Variants in LOXHD1 observed in about 807,000 individuals in gnomAD.
LOXHD1 encodes the protein lipoxygenase homology domain-containing protein 1.
In LOXHD1, 205 loss-of-function variants were observed where a neutral mutation model predicts 248.2. That is an observed-to-expected ratio of 0.83 (90% confidence interval 0.74 to 0.93). LOXHD1 has a LOEUF of 0.93. Among genes scored for constraint, LOXHD1 ranks in the 40% least tolerant of loss-of-function variants. LOXHD1 has a pLI of 0.00. For missense variants in LOXHD1, 2,930 were observed against 2,971.6 expected, an observed-to-expected ratio of 0.99 and a Z score of 0.33; for synonymous variants, 1,113 against 1,162.8, an observed-to-expected ratio of 0.96 and a Z score of 0.87.
chr18:46,582,017 C>T (rs184907642), intron 12 of LOXHD1, among the ~76,000 whole-genome samples: 188 of 152,276 alleles, frequency 1.2e-3, no homozygotes, highest in African/African-American at 4.2e-3. Flanking sequence ...TAATCACTAG[C>T]ATATCTGTCA....
At chr18:46,482,697 C>T (rs1006630270) in intron 40 of LOXHD1, among the ~76,000 whole-genome samples, 13 of 152,188 alleles carry the variant, frequency 8.5e-5, no homozygotes, top group Admixed American at 5.9e-4. Context: ...AGCCCATAGC[C>T]GAGGGCTCTG....
chr18:46,647,410 G>A (rs1221115784), intron 2 of LOXHD1, among the ~76,000 whole-genome samples: 1 of 152,246 alleles, frequency 6.6e-6, no homozygotes, highest in African/African-American at 2.4e-5. Context: ...TGTGTGAAAG[G>A]AGGGAAGGCA....
At position 46,610,806 on chromosome 18, in the gene LOXHD1, CTTA is replaced by C. The variant is rs1421250755; in HGVS notation, c.726_728del (p.Asn242del). 1.9e-6 allele frequency: 3 copies of C among 1,551,684 alleles called. No homozygotes were observed. In the Admixed American group the frequency reaches 5.9e-5, roughly 30 times the overall value. On this transcript the variant is annotated inframe_deletion, in exon 6 of 41. Coordinates refer to ENST00000642948, the MANE Select transcript of LOXHD1 (RefSeq NM_001384474.1). ...ACAGGAACCAACCTGCAGAGCCCCC[CTTA>C]TTGTTGTGGCCAACATTGATCTTCA...
chr18:46,548,288 A>G (rs935536684), intron 21 of LOXHD1, among the ~76,000 whole-genome samples: 1 of 147,800 alleles, frequency 6.8e-6, no homozygotes, highest in African/African-American at 2.5e-5. Context: ...AGGGCCACTC[A>G]GGGACTGCTC....
At chr18:46,525,429 G>C (rs995479317) in intron 29 of LOXHD1, among the ~76,000 whole-genome samples, 1 of 152,150 alleles carries the variant, frequency 6.6e-6, no homozygotes, top group African/African-American at 2.4e-5. Flanking sequence ...AGTAAGTCTG[G>C]GCTGCAGGAG....
At chr18:46,528,060 GCTAA>G (rs1260688763) in intron 29 of LOXHD1, among the ~76,000 whole-genome samples, 1 of 152,150 alleles carries the variant, frequency 6.6e-6, no homozygotes, top group Admixed American at 6.5e-5. Flanking sequence ...TAATCCCAGG[GCTAA>G]TATCCTCCTC....
At chr18:46,546,299 A>G (rs2036824035) in intron 22 of LOXHD1, among the ~76,000 whole-genome samples, 1 of 152,080 alleles carries the variant, frequency 6.6e-6, no homozygotes, top group Non-Finnish European at 1.5e-5. Flanking sequence ...ACTCTACTCC[A>G]TTCCATTCTA....
intron 6 of LOXHD1, among the ~76,000 whole-genome samples, chr18:46,608,217 T>C (rs2038451681): frequency 6.6e-6 from 1 of 152,110 alleles, no homozygotes; most frequent in East Asian, 1.9e-4. Context: ...AAACGAAAAG[T>C]CTACTTGGCC....
At chr18:46,607,694 A>G (rs1414307984) in intron 6 of LOXHD1, among the ~76,000 whole-genome samples, 1 of 152,116 alleles carries the variant, frequency 6.6e-6, no homozygotes, top group African/African-American at 2.4e-5. Flanking sequence ...CATTGACAGG[A>G]GAAAGAAGTG....
chr18:46,540,654 CTT>C (rs60099172), intron 25 of LOXHD1, among the ~76,000 whole-genome samples: 15,946 of 91,158 alleles, frequency 0.17, 950 homozygotes, highest in Middle Eastern at 0.35. Flanking sequence ...AACTCTTTAT[CTT>C]TTTTTTTTTT....
chr18:46,575,294 T>C (rs999435931), intron 14 of LOXHD1, among the ~76,000 whole-genome samples: 3 of 152,298 alleles, frequency 2.0e-5, no homozygotes, highest in Middle Eastern at 3.4e-3. Flanking sequence ...GGGTCCTCTC[T>C]GGTGTACAAT....
chr18:46,626,945 A>G (rs2038750917), intron 4 of LOXHD1, among the ~76,000 whole-genome samples: 2 of 152,234 alleles, frequency 1.3e-5, no homozygotes, highest in Non-Finnish European at 2.9e-5. Flanking sequence ...TTTGTTGAGA[A>G]TGATGACAGC....
Position 46,477,338 on chromosome 18 carries a change from C to T in LOXHD1, c.*134G>A. 8.3e-7 allele frequency: 1 copy of T among 1,200,244 alleles called. No homozygotes were observed. The highest frequency in any genetic ancestry group is 1.3e-5 in the South Asian group (1 of 76,178). The allele number at this position is 1,200,244 out of a possible 1,614,324, so 74.3% of individuals were successfully genotyped here. On this transcript the variant is annotated 3_prime_UTR_variant, in exon 41 of 41. Coordinates refer to ENST00000642948, the MANE Select transcript of LOXHD1 (RefSeq NM_001384474.1). ...ACTGGGGGTAGGGTGGGGAGCAGGA[C>T]CCCATGAAGTTCTCAGTGGACTGCT...
rs184966970 is a variant in LOXHD1, at chr18:46,538,327, G to T, written c.3924C>A (p.Tyr1308Ter). The change falls in exon 26 of 41, where the codon TAC (tyrosine) becomes TAA (stop). Residue 1308 changes from tyrosine (Y) to a stop codon, truncating the protein, a stop_gained. Coordinates refer to ENST00000642948, the MANE Select transcript of LOXHD1 (RefSeq NM_001384474.1). LOFTEE classifies it high-confidence loss of function. ...CATCACTGGTGTAGAGGGTGATCTC[G>T]TAAGGAACAACTGAGGGTGGTGGTC... ...QTRLYTPFVP[Y>*]EITLYTSDVF... The T allele has an allele frequency of 5.2e-6, 8 of 1,548,420 alleles. No individual in the cohort carries two copies. Among genetic ancestry groups the T allele is most frequent in the Admixed American group, 2.0e-5 (1 of 50,938 alleles).
chr18:46,498,684 C>CT (rs978662181), intron 37 of LOXHD1, among the ~76,000 whole-genome samples: 1 of 152,198 alleles, frequency 6.6e-6, no homozygotes, highest in African/African-American at 2.4e-5. Flanking sequence ...GTTCTCTCAT[C>CT]TTTTTATAAA....
At chr18:46,535,706 G>T (rs1378208985) in intron 26 of LOXHD1, among the ~76,000 whole-genome samples, 2 of 152,144 alleles carry the variant, frequency 1.3e-5, no homozygotes, top group African/African-American at 4.8e-5. Flanking sequence ...GAGTAGCTGG[G>T]ATTACAGGTG....
chr18:46,621,624 T>G (rs1346017865), intron 4 of LOXHD1, among the ~76,000 whole-genome samples: 1 of 152,088 alleles, frequency 6.6e-6, no homozygotes, highest in African/African-American at 2.4e-5. Flanking sequence ...GGTTTTTGCT[T>G]GTTGAACTCA....
chr18:46,477,775 G>T lies in LOXHD1; in HGVS notation c.6519C>A (p.Asn2173Lys). 6.4e-7 allele frequency: 1 copy of T among 1,551,880 alleles called. No individual in the cohort carries two copies. The highest frequency in any genetic ancestry group is 8.7e-7 in the Non-Finnish European group (1 of 1,147,036). Residue 2173 changes from asparagine to lysine, a missense_variant, in exon 41 of 41, where the codon AAC (asparagine) becomes AAA (lysine). By Grantham distance (94) the Asn-to-Lys change is moderately conservative (BLOSUM62 0). Transcript: ENST00000642948. ...GYEPGAGTDANVFVTIFGANG... is the reference protein window; with the variant it reads ...GYEPGAGTDAKVFVTIFGANG... The stretch of plus-strand genomic sequence containing the variant: ...TGGCCCCAAAGATGGTCACGAAGAC[G>T]TTGGCATCAGTGCCTGCCCCTGGCT...
intron 2 of LOXHD1, 140 bp downstream of exon 2, chr18:46,649,015 A>G (rs2144399203): frequency 2.8e-6 from 2 of 705,688 alleles, no homozygotes; most frequent in East Asian, 5.4e-5. Context: ...ACGGTCTGTC[A>G]TTAGCAGAGG....
Sources: gnomAD v4.1 joint callset for allele counts (sites outside exome capture counted in the v4.1 genomes callset) on GRCh38, gnomAD v4.1.1 for gene constraint, MANE v1.5 for transcripts, NCBI Gene and HGNC (gene_info 2026-07-23, HGNC 2026-07-21) for gene names.